The following CENPC variants were observed in gnomAD, a reference collection of about 807,000 sequenced individuals.
CENPC encodes CENP-C 1.
Under a neutral mutation model 112.1 loss-of-function variants are expected in CENPC, and 63 were observed. The observed-to-expected ratio is 0.56, with a 90% CI of 0.46 to 0.69. CENPC has a LOEUF of 0.69. Among genes scored for constraint, CENPC ranks in the 30% least tolerant of loss-of-function variants. CENPC has a pLI of 0.00. For synonymous variants in CENPC, 333 were observed against 367.6 expected (o/e 0.91, Z 1.08); for missense variants, 1,000 against 1,103.8 (o/e 0.91, Z 1.33).
At chr4:67,484,795 T>C (rs1205259557) in intron 17 of CENPC, among the ~76,000 whole-genome samples, 2 of 152,216 alleles carry the variant, frequency 1.3e-5, no homozygotes, top group African/African-American at 4.8e-5. Context: ...TCACCTACAC[T>C]ATAAAGATTA....
At chr4:67,521,787 C>T (rs2109814134) in intron 5 of CENPC, among the ~76,000 whole-genome samples, 1 of 152,322 alleles carries the variant, frequency 6.6e-6, no homozygotes, top group East Asian at 1.9e-4. Context: ...AAATATTACC[C>T]AGTCTTAGAA....
rs1211413642 is a variant in CENPC, at chr4:67,514,356, T to C, written c.1162A>G (p.Ile388Val). ...CTATAATTATTTACTGTTTCACCTA[T>C]CAAAGCATAACTTGTATCCAGTACT... ...KTVLDTSYAL[I>V]GETVNNYRST... Residue 388 changes from isoleucine (I) to valine (V), a missense_variant, in exon 8 of 19, where the codon ATA becomes GTA. By Grantham distance (29) the Ile-to-Val change is conservative (BLOSUM62 3). Transcript: ENST00000273853. 1.2e-6 allele frequency: 2 copies of C among 1,612,884 alleles called. No individual in the cohort carries two copies. Among genetic ancestry groups the C allele is most frequent in the East Asian group, 2.2e-5 (1 of 44,826 alleles).
Position 67,487,645 on chromosome 4 carries a change from G to GT in CENPC, c.2670+2321dup, listed in dbSNP as rs200936463. Among the ~76,000 whole-genome samples the GT allele has an allele frequency of 7.7e-3, 1,162 of 151,556 alleles. 13 individuals carry two copies. Among genetic ancestry groups the GT allele is most frequent in the Middle Eastern group, 0.024 (7 of 292 alleles). ...AATATTCTCAACCATTTTTCATTGGGTTTTTTCTCTCTCCTGAAATTCTTA... is the reference window on the plus strand; with the variant it reads ...AATATTCTCAACCATTTTTCATTGGGTTTTTTTCTCTCTCCTGAAATTCTTA... On this transcript the variant is annotated intron_variant, in intron 17 of 18. Coordinates refer to ENST00000273853, the MANE Select transcript of CENPC (RefSeq NM_001812.4).
At chr4:67,541,094 C>A in intron 2 of CENPC, 44 bp from the exon 3 acceptor site, 1 of 1,232,956 alleles carries the variant, frequency 8.1e-7, no homozygotes, top group Admixed American at 2.0e-5. Flanking sequence ...GAAGATATTT[C>A]TTTATATTAC....
chr4:67,485,892 T>C (rs1231295899), intron 17 of CENPC, among the ~76,000 whole-genome samples: 1 of 152,060 alleles, frequency 6.6e-6, no homozygotes, highest in East Asian at 1.9e-4. Context: ...ACAATGTAAA[T>C]GGCAAAGGGG....
rs1724578515 is a variant in CENPC at position 67,468,854 on chromosome 4, G to C, written c.*3751C>G. ...ATAAAAAAGAAATGAGCTATTGATA[G>C]GTATAACTGCTTGGATGATCTTAAG... On this transcript the variant is annotated 3_prime_UTR_variant, in exon 19 of 19. Transcript: ENST00000273853. The C allele has an allele frequency of 6.6e-6, 1 of 152,150 alleles. No homozygotes were observed. The highest frequency in any genetic ancestry group is 1.5e-5 in the Non-Finnish European group (1 of 68,022). The allele number at this position is 152,150 out of a possible 1,614,324, so 9.4% of individuals were successfully genotyped here. A position where few individuals can be genotyped will look rare whatever the true frequency, so the allele number is the denominator to read the frequency against.
chr4:67,475,053 G>A (rs1724765981), intron 17 of CENPC, 75 bp from the exon 18 acceptor site: 2 of 784,636 alleles, frequency 2.5e-6, no homozygotes, highest in Non-Finnish European at 4.1e-6. Flanking sequence ...AAAATGTAGT[G>A]GGAAGAATAA....
At chr4:67,495,783 T>C (rs72640760) in intron 12 of CENPC, among the ~76,000 whole-genome samples, 4,449 of 152,318 alleles carry the variant, frequency 0.029, 100 homozygotes, top group Admixed American at 0.039. Flanking sequence ...TAACTTTCTC[T>C]TTAAAGTTCT....
intron 17 of CENPC, among the ~76,000 whole-genome samples, chr4:67,488,277 A>T (rs985884028): frequency 2.0e-5 from 3 of 152,048 alleles, no homozygotes; most frequent in Non-Finnish European, 4.4e-5. Flanking sequence ...GGAACACATA[A>T]GTTCTGTATA....
intron 17 of CENPC, among the ~76,000 whole-genome samples, chr4:67,475,402 A>C (rs1724776139): frequency 6.6e-6 from 1 of 152,248 alleles, no homozygotes; most frequent in Non-Finnish European, 1.5e-5. Flanking sequence ...CCTCAGTCCC[A>C]CAACCACTTA....
chr4:67,483,801 A>C (rs1725017245), intron 17 of CENPC, among the ~76,000 whole-genome samples: 1 of 152,170 alleles, frequency 6.6e-6, no homozygotes, highest in Non-Finnish European at 1.5e-5. Flanking sequence ...AAATAGAAAA[A>C]AGCTTATAGA....
chr4:67,530,689 T>C (rs989133242), intron 5 of CENPC, 126 bp downstream of exon 5: 8 of 424,434 alleles, frequency 1.9e-5, no homozygotes, highest in African/African-American at 1.4e-4. Flanking sequence ...AATTCATCCA[T>C]TTCACAATTC....
intron 17 of CENPC, among the ~76,000 whole-genome samples, chr4:67,485,469 A>C (rs1327768282): frequency 2.0e-5 from 3 of 151,564 alleles, no homozygotes; most frequent in East Asian, 3.9e-4. Flanking sequence ...TGGAATCTTA[A>C]CCCCCCCAAT....
At chr4:67,522,819 G>C (rs141388076) in intron 5 of CENPC, among the ~76,000 whole-genome samples, 190 of 152,150 alleles carry the variant, frequency 1.2e-3, no homozygotes, top group African/African-American at 4.3e-3. Context: ...GGCCAACATG[G>C]TGAAACCCCA....
Position 67,514,401 on chromosome 4 carries a change from A to C in CENPC, c.1117T>G (p.Ser373Ala). The change falls in exon 8 of 19, where the codon TCT (serine) becomes GCT (alanine). Residue 373 changes from serine (S) to alanine (A), a missense_variant. Transcript: ENST00000273853. ...AGTACTGTTTTATCAGAGGGCTGAG[A>C]TGTCTCTACTGGGTGAGGTTTATGG... is the stretch of plus-strand genomic sequence containing the variant. Reference protein sequence around the residue: ...HSHKPHPVETSQPSDKTVLDT... With the variant: ...HSHKPHPVETAQPSDKTVLDT... The C allele has an allele frequency of 6.2e-7, 1 of 1,613,660 alleles. No homozygotes were observed. The highest frequency in any genetic ancestry group is 8.5e-7 in the Non-Finnish European group (1 of 1,179,800).
At chr4:67,513,404 T>C (rs1725952106) in intron 8 of CENPC, among the ~76,000 whole-genome samples, 1 of 152,178 alleles carries the variant, frequency 6.6e-6, no homozygotes, top group Non-Finnish European at 1.5e-5. Flanking sequence ...ATACAGAATA[T>C]ATGTAAAAAT....
In CENPC at chr4:67,509,109, A is replaced by C. The variant is rs551486676; in HGVS notation, c.1613-4T>G. The stretch of plus-strand genomic sequence containing the variant: ...GAAGAATTGCTATAAACAGGACCTG[A>C]AGGATTCAATGATAACCTAAAGTTA... On this transcript the variant is annotated splice_polypyrimidine_tract_variant and splice_region_variant and intron_variant, in intron 9 of 18. Coordinates refer to ENST00000273853, the MANE Select transcript of CENPC (RefSeq NM_001812.4). 1 of 1,597,026 alleles carries C rather than the reference A, an allele frequency of 6.3e-7. No individual in the cohort carries two copies. Among genetic ancestry groups the C allele is most frequent in the Middle Eastern group, 1.7e-4 (1 of 6,002 alleles).
chr4:67,483,644 A>G (rs1725011506), intron 17 of CENPC, among the ~76,000 whole-genome samples: 1 of 152,282 alleles, frequency 6.6e-6, no homozygotes, highest in East Asian at 1.9e-4. Context: ...TGACAGCTCC[A>G]TGTGTGTTAC....
intron 7 of CENPC, among the ~76,000 whole-genome samples, chr4:67,515,743 A>G (rs552523386): frequency 3.3e-5 from 5 of 152,132 alleles, no homozygotes; most frequent in African/African-American, 1.2e-4. Context: ...TTTTCATATT[A>G]TAATCATGGT....
Sources: allele counts gnomAD v4.1 joint callset (sites outside exome capture counted in the v4.1 genomes callset), GRCh38; gene constraint gnomAD v4.1.1; transcripts MANE v1.5; gene names NCBI Gene and HGNC (gene_info 2026-07-23, HGNC 2026-07-21).